WDR25: variants seen among roughly 807,000 people sequenced by gnomAD.
The protein encoded by WDR25 is WD repeat-containing protein 25.
A neutral mutation model predicts 47.7 loss-of-function variants in WDR25; 35 were observed. The ratio of observed to expected loss-of-function variants is 0.73; its 90% confidence interval spans 0.56 to 0.97. The LOEUF is 0.97. Ranked by LOEUF, WDR25 falls within the 50% of genes least tolerant of loss-of-function variation. WDR25 has a pLI of 0.00. For missense variants in WDR25, 634 were observed against 704.7 expected, an observed-to-expected ratio of 0.90 and a Z score of 1.14; for synonymous variants, 248 against 278.9, an observed-to-expected ratio of 0.89 and a Z score of 1.10.
At chr14:100,417,949 T>A (rs1336924639) in intron 2 of WDR25, among the ~76,000 whole-genome samples, 4 of 151,688 alleles carry the variant, frequency 2.6e-5, no homozygotes, top group Admixed American at 6.6e-5. Context: ...TTATGTCTTT[T>A]TTTTTTTTTT....
At chr14:100,482,217 C>G (rs1164127368) in intron 3 of WDR25, among the ~76,000 whole-genome samples, 1 of 152,122 alleles carries the variant, frequency 6.6e-6, no homozygotes, top group South Asian at 2.1e-4. Context: ...AACCTACTTG[C>G]AACCAGACTA....
intron 2 of WDR25, among the ~76,000 whole-genome samples, chr14:100,435,857 T>G (rs1164614741): frequency 2.0e-5 from 3 of 152,056 alleles, no homozygotes; most frequent in African/African-American, 7.2e-5. Flanking sequence ...AAGTGAGGTT[T>G]GGGGGTTAGA....
At chr14:100,526,497 GC>G (rs1272125036) in intron 5 of WDR25, among the ~76,000 whole-genome samples, 4 of 152,164 alleles carry the variant, frequency 2.6e-5, no homozygotes, top group Non-Finnish European at 5.9e-5. Context: ...AAGGCGGAGA[GC>G]CTTGGGCCTG....
intron 2 of WDR25, among the ~76,000 whole-genome samples, chr14:100,398,827 G>T (rs1595499927): frequency 6.6e-6 from 1 of 150,606 alleles, no homozygotes; most frequent in East Asian, 2.0e-4. Flanking sequence ...CACTAATTTT[G>T]AGTTCCCTGT....
Position 100,381,747 on chromosome 14 carries a change from GT to G in WDR25, c.822+2del, listed in dbSNP as rs1316939239. 1 of 1,584,624 alleles carries G rather than the reference GT, an allele frequency of 6.3e-7. No individual in the cohort carries two copies. Among genetic ancestry groups the G allele is most frequent in the Non-Finnish European group, 8.6e-7 (1 of 1,164,602 alleles). The stretch of plus-strand genomic sequence containing the variant: ...CACTTCTATGGATAAAACTTTCAAG[GT>G]AAGACTTGAATGAAAACTTCTGCTT... On this transcript the variant is annotated splice_donor_variant, in intron 2 of 6. Coordinates refer to ENST00000402312, the MANE Select transcript of WDR25 (RefSeq NM_001161476.3). LOFTEE classifies it high-confidence loss of function.
At chr14:100,483,259 C>T (rs558898468) in intron 3 of WDR25, among the ~76,000 whole-genome samples, 72 of 152,304 alleles carry the variant, frequency 4.7e-4, no homozygotes, top group African/African-American at 1.5e-3. Flanking sequence ...ATAAAAAAGA[C>T]GTTTTCCACA....
rs1900463529 is a variant in WDR25 at position 100,488,627 on chromosome 14, G to A, written c.1101+4503G>A. Among the ~76,000 whole-genome samples, 1 of 152,132 alleles carries A rather than the reference G, an allele frequency of 6.6e-6. No individual in the cohort carries two copies. Among genetic ancestry groups the A allele is most frequent in the Non-Finnish European group, 1.5e-5 (1 of 68,030 alleles). On this transcript the variant is annotated intron_variant, in intron 4 of 6. Coordinates refer to ENST00000402312, the MANE Select transcript of WDR25 (RefSeq NM_001161476.3). This position sits in a 1 kb window ranked among gnomAD's most constrained non-coding sequence, Gnocchi z 4.2. The stretch of plus-strand genomic sequence containing the variant: ...GGGCTCTTGTTAGGATGCAGATTCT[G>A]TTTCAGCAGGTCCAGGTTGGGATAA...
intron 2 of WDR25, among the ~76,000 whole-genome samples, chr14:100,453,971 TC>T (rs1899122040): frequency 6.6e-6 from 1 of 152,234 alleles, no homozygotes. Context: ...TGATCGAGTT[TC>T]TCCTCAACCT....
intron 2 of WDR25, among the ~76,000 whole-genome samples, chr14:100,445,393 G>T (rs1898799428): frequency 6.6e-6 from 1 of 152,144 alleles, no homozygotes; most frequent in Non-Finnish European, 1.5e-5. Flanking sequence ...TTGCCTCAGA[G>T]CCTTAGCTTT....
intron 2 of WDR25, among the ~76,000 whole-genome samples, chr14:100,448,078 C>T (rs1233517216): frequency 4.0e-5 from 6 of 151,808 alleles, no homozygotes; most frequent in African/African-American, 1.5e-4. Flanking sequence ...GCCTGTAATC[C>T]CAGCTACTCT....
At chr14:100,452,093 A>ATCCATCCG (rs1488608908) in intron 2 of WDR25, among the ~76,000 whole-genome samples, 16 of 152,134 alleles carry the variant, frequency 1.1e-4, no homozygotes, top group Non-Finnish European at 2.4e-4. Flanking sequence ...TCATTCATCC[A>ATCCATCCG]TCCATCCGTC....
chr14:100,391,114 A>AT (rs1046506258), intron 2 of WDR25, among the ~76,000 whole-genome samples: 7 of 150,954 alleles, frequency 4.6e-5, no homozygotes, highest in African/African-American at 9.7e-5. Flanking sequence ...TATTTCATGT[A>AT]TTTTTTTTTA....
chr14:100,428,970 C>T lies in WDR25; in HGVS notation c.823-39051C>T, dbSNP rs570258493. Among the ~76,000 whole-genome samples, 36 of 152,202 alleles carry T rather than the reference C, an allele frequency of 2.4e-4. No homozygotes were observed. Among genetic ancestry groups the T allele is most frequent in the Non-Finnish European group, 4.7e-4 (32 of 68,032 alleles). Reference sequence around the variant, plus strand: ...TGGTTTCCCGAGCGTGTCAGCTTCACTTCACATAAGTCATTTCAGATCCTG... The same window carrying T: ...TGGTTTCCCGAGCGTGTCAGCTTCATTTCACATAAGTCATTTCAGATCCTG... On this transcript the variant is annotated intron_variant, in intron 2 of 6. Transcript: ENST00000402312. This position sits in a 1 kb window ranked among gnomAD's most constrained non-coding sequence, Gnocchi z 4.3.
intron 3 of WDR25, among the ~76,000 whole-genome samples, chr14:100,470,408 T>C (rs551111368): frequency 5.9e-5 from 9 of 152,182 alleles, no homozygotes; most frequent in Non-Finnish European, 1.3e-4. Flanking sequence ...TCAAATTCAT[T>C]TGATGGCATT....
At position 100,523,501 on chromosome 14, in the gene WDR25, G is replaced by T. The variant is rs2029961495; in HGVS notation, c.1102-2369G>T. ...TTAGAGGCTCAGAGGTGTGGTTGGG[G>T]CCCTCGTGTTGATGACTCAAAAACT... On this transcript the variant is annotated intron_variant, in intron 4 of 6. Coordinates refer to ENST00000402312, the MANE Select transcript of WDR25 (RefSeq NM_001161476.3). The surrounding 1 kb of genome is among the most constrained non-coding windows in gnomAD (Gnocchi z 4.7). 6.6e-6 allele frequency among the ~76,000 whole-genome samples: 1 copy of T among 152,120 alleles called. No individual in the cohort carries two copies. The highest frequency in any genetic ancestry group is 1.5e-5 in the Non-Finnish European group (1 of 68,022).
At chr14:100,472,011 C>T (rs879393874) in intron 3 of WDR25, among the ~76,000 whole-genome samples, 23 of 152,356 alleles carry the variant, frequency 1.5e-4, no homozygotes, top group African/African-American at 1.9e-4. Context: ...CTGTGCCACA[C>T]GCCAGCTCAG....
At chr14:100,522,206 C>T (rs980655469) in intron 4 of WDR25, among the ~76,000 whole-genome samples, 1 of 151,966 alleles carries the variant, frequency 6.6e-6, no homozygotes, top group African/African-American at 2.4e-5. Flanking sequence ...TATTTACTTG[C>T]TTGCTTTCTG....
chr14:100,383,276 C>T (rs533898989), intron 2 of WDR25, among the ~76,000 whole-genome samples: 45 of 152,264 alleles, frequency 3.0e-4, no homozygotes, highest in African/African-American at 9.4e-4. Context: ...CCTGCCATTC[C>T]GGGGGCTGTG....
intron 4 of WDR25, among the ~76,000 whole-genome samples, chr14:100,501,943 A>G (rs1478201384): frequency 6.6e-6 from 1 of 152,138 alleles, no homozygotes; most frequent in Non-Finnish European, 1.5e-5. Context: ...TGTGCAGCAG[A>G]CAAGGGCCAG....
Sources: allele counts gnomAD v4.1 joint callset (sites outside exome capture counted in the v4.1 genomes callset), GRCh38; gene constraint gnomAD v4.1.1; non-coding constraint Gnocchi (gnomAD v3.1); transcripts MANE v1.5; gene names NCBI Gene and HGNC (gene_info 2026-07-23, HGNC 2026-07-21).